RABGEF1: variants seen among roughly 807,000 people sequenced by gnomAD.
The protein encoded by RABGEF1 is RAB guanine nucleotide exchange factor 1.
Under a neutral mutation model 57.3 loss-of-function variants are expected in RABGEF1, and 26 were observed. The ratio of observed to expected loss-of-function variants is 0.45; its 90% CI spans 0.33 to 0.63. RABGEF1 has a LOEUF of 0.63. Among genes scored for constraint, RABGEF1 ranks in the 20% least tolerant of loss-of-function variants. The pLI is 0.02. For missense variants in RABGEF1, 464 were observed against 607.6 expected (o/e 0.76, Z 2.48); for synonymous variants, 185 against 210.7 (o/e 0.88, Z 1.06).
At chr7:66,786,163 T>C (rs1462996985) in intron 4 of RABGEF1, among the ~76,000 whole-genome samples, 3 of 152,226 alleles carry the variant, frequency 2.0e-5, no homozygotes, top group African/African-American at 7.2e-5. Flanking sequence ...CCAAGCCCTG[T>C]ATATGCCGGT....
intron 1 of RABGEF1, among the ~76,000 whole-genome samples, chr7:66,708,997 G>A (rs927111452): frequency 6.6e-6 from 1 of 151,492 alleles, no homozygotes; most frequent in African/African-American, 2.4e-5. Flanking sequence ...TGCATCAGTA[G>A]TATGACCTTA....
chr7:66,746,540 C>T (rs891244229), intron 1 of RABGEF1, among the ~76,000 whole-genome samples: 87 of 151,406 alleles, frequency 5.7e-4, no homozygotes, highest in African/African-American at 2.0e-3. Flanking sequence ...CCACCCGCCT[C>T]GGCCTCCCAA....
chr7:66,765,660 C>T (rs1805514848), intron 1 of RABGEF1, among the ~76,000 whole-genome samples: 1 of 152,192 alleles, frequency 6.6e-6, no homozygotes, highest in South Asian at 2.1e-4. Flanking sequence ...TGTCCTGATA[C>T]TCAGACCACT....
chr7:66,805,259 G>T lies in RABGEF1; in HGVS notation c.940G>T (p.Asp314Tyr). The T allele has an allele frequency of 6.2e-7, 1 of 1,614,212 alleles. No individual in the cohort carries two copies. Among genetic ancestry groups the T allele is most frequent in the Non-Finnish European group, 8.5e-7 (1 of 1,180,050 alleles). Residue 314 changes from aspartate (D) to tyrosine (Y), a missense_variant, in exon 8 of 9, where the codon GAC becomes TAC. Asp to Tyr is a radical substitution (Grantham distance 160). Around this residue, in one of 4 missense-constraint regions of RABGEF1, gnomAD observed 284 missense variants for 389.9 expected, o/e 0.73. Transcript: ENST00000284957. ...CAAGAATGAGCCGGCGTCAGCGGATGACTTCCTCCCCACCCTCATCTACAT... is the reference window on the plus strand; with the variant it reads ...CAAGAATGAGCCGGCGTCAGCGGATTACTTCCTCCCCACCCTCATCTACAT... Reference protein sequence around the residue: ...ITKNEPASADDFLPTLIYIVL... With the variant: ...ITKNEPASADYFLPTLIYIVL...
At chr7:66,664,890 A>G in the RABGEF1 span, among the ~76,000 whole-genome samples, 1 of 151,990 alleles carries the variant, frequency 6.6e-6, no homozygotes, top group African/African-American at 2.4e-5. Flanking sequence ...TTTAGTGTCA[A>G]CTCTGCGATC....
the RABGEF1 span, chr7:66,666,153 G>A: frequency 1.3e-5 from 2 of 152,440 alleles, no homozygotes; most frequent in African/African-American, 4.8e-5. Context: ...AGCCGGCAAA[G>A]TGGGGACCGG....
At chr7:66,759,035 T>G (rs1803529047) in intron 1 of RABGEF1, among the ~76,000 whole-genome samples, 1 of 152,230 alleles carries the variant, frequency 6.6e-6, no homozygotes, top group South Asian at 2.1e-4. Flanking sequence ...AAATTGATAT[T>G]TGTGCAATGT....
At chr7:66,805,085 GCTT>G (rs2129189462) in intron 7 of RABGEF1, 52 bp from the exon 8 acceptor site, 1 of 1,516,326 alleles carries the variant, frequency 6.6e-7, no homozygotes, top group African/African-American at 1.4e-5. Flanking sequence ...TTTTCCTATT[GCTT>G]CTTTTTTGTG....
At chr7:66,785,959 T>C (rs951361696) in intron 4 of RABGEF1, among the ~76,000 whole-genome samples, 1 of 152,162 alleles carries the variant, frequency 6.6e-6, no homozygotes, top group Non-Finnish European at 1.5e-5. Context: ...CAACTAAACT[T>C]TCTAGATGGT....
rs1405527561 is a variant in RABGEF1 at position 66,724,243 on chromosome 7, T to G, written c.-815+12019T>G. 3.9e-5 allele frequency among the ~76,000 whole-genome samples: 6 copies of G among 152,212 alleles called. No individual in the cohort carries two copies. In the East Asian group the frequency reaches 1.2e-3, roughly 29 times the overall value. On this transcript the variant is annotated intron_variant and NMD_transcript_variant, in intron 2 of 9. Coordinates refer to the RABGEF1 transcript ENST00000607882. Reference sequence around the variant, plus strand: ...CAGTAATTCTTATCTTTGTTCCTTCTACATAATGTGTTATTTCCTTCTCTG... The same window carrying G: ...CAGTAATTCTTATCTTTGTTCCTTCGACATAATGTGTTATTTCCTTCTCTG...
chr7:66,683,773 C>CT (rs1790158196), intron 1 of RABGEF1, among the ~76,000 whole-genome samples: 1 of 150,358 alleles, frequency 6.7e-6, no homozygotes, highest in Non-Finnish European at 1.5e-5. Context: ...GAGGGTCTCA[C>CT]TTTGTCACCC....
intron 1 of RABGEF1, among the ~76,000 whole-genome samples, chr7:66,695,330 A>C (rs1399701420): frequency 6.6e-6 from 1 of 151,810 alleles, no homozygotes; most frequent in African/African-American, 2.4e-5. Flanking sequence ...AAGGACCTCG[A>C]GAAAGGGTCT....
chr7:66,698,221 C>T (rs1792650152), intron 1 of RABGEF1, among the ~76,000 whole-genome samples: 1 of 152,214 alleles, frequency 6.6e-6, no homozygotes, highest in Admixed American at 6.5e-5. Flanking sequence ...ACCAAGTGTC[C>T]TGAGCCTCAC....
intron 2 of RABGEF1, among the ~76,000 whole-genome samples, chr7:66,724,022 A>G (rs1004069454): frequency 1.3e-5 from 2 of 151,708 alleles, no homozygotes; most frequent in Non-Finnish European, 2.9e-5. Flanking sequence ...AATTTTATAA[A>G]TTTTTGTGTT....
chr7:66,741,277 CT>C (rs1798881899), intron 1 of RABGEF1, among the ~76,000 whole-genome samples: 1 of 152,192 alleles, frequency 6.6e-6, no homozygotes, highest in African/African-American at 2.4e-5. Flanking sequence ...GGCGCGGGGA[CT>C]TGATCCCACG....
At chr7:66,668,044 G>T in the RABGEF1 span, among the ~76,000 whole-genome samples, 1 of 151,840 alleles carries the variant, frequency 6.6e-6, no homozygotes, top group Non-Finnish European at 1.5e-5. Context: ...GTGATCTACC[G>T]GCCTTGGCCT....
chr7:66,663,955 T>A, the RABGEF1 span, among the ~76,000 whole-genome samples: 1 of 151,632 alleles, frequency 6.6e-6, no homozygotes, highest in Non-Finnish European at 1.5e-5. Context: ...GCACCTGTAG[T>A]CCCAGCTACT....
chr7:66,660,681 A>C, the RABGEF1 span, among the ~76,000 whole-genome samples: 1 of 152,236 alleles, frequency 6.6e-6, no homozygotes, highest in Admixed American at 6.5e-5. Context: ...ACATTAAATT[A>C]CTAATTAAAA....
chr7:66,770,491 TCTC>T (rs1377354935), intron 1 of RABGEF1: 3 of 152,232 alleles, frequency 2.0e-5, no homozygotes, highest in African/African-American at 7.2e-5. Flanking sequence ...TTTTTTCTCT[TCTC>T]TTCTCTCTAG....
Sources: gnomAD v4.1 joint callset for allele counts (sites outside exome capture counted in the v4.1 genomes callset) on GRCh38, gnomAD v4.1.1 for gene constraint, gnomAD v4.1.1 regional missense constraint, MANE v1.5 for transcripts, NCBI Gene and HGNC (gene_info 2026-07-23, HGNC 2026-07-21) for gene names.